ALDH3A2: variants seen among roughly 807,000 people sequenced by gnomAD.
The protein encoded by ALDH3A2 is aldehyde dehydrogenase 3 family member A2, also known as aldehyde dehydrogenase family 3 member A2.
A neutral mutation model predicts 51.3 loss-of-function variants in ALDH3A2; 36 were observed. The observed-to-expected ratio is 0.70, with a 90% CI of 0.54 to 0.93. The LOEUF (loss-of-function observed/expected upper bound fraction) is 0.93. ALDH3A2 is among the 40% of genes least tolerant of loss of function. The probability of loss-of-function intolerance (pLI) is 0.00; values close to 1 mark genes in which losing one functional copy is unlikely to be tolerated. For missense variants in ALDH3A2, 552 were observed against 603.1 expected, an observed-to-expected ratio of 0.92 and a Z score of 0.89; for synonymous variants, 199 against 219.8, an observed-to-expected ratio of 0.91 and a Z score of 0.84.
chr17:19,673,054 A>G, intron 9 of ALDH3A2: 1 of 1,535,308 alleles, frequency 6.5e-7, no homozygotes, highest in Non-Finnish European at 9.0e-7. Flanking sequence ...AACAACAACA[A>G]CAAAAATTTG....
chr17:19,660,631 C>G (rs2084954002), intron 5 of ALDH3A2, among the ~76,000 whole-genome samples: 1 of 152,038 alleles, frequency 6.6e-6, no homozygotes, highest in Admixed American at 6.6e-5. Flanking sequence ...CAAAGAAGAC[C>G]AAAACAACAA....
In ALDH3A2 at chr17:19,661,172, A is replaced by T; in HGVS notation, c.844A>T (p.Ile282Phe). 1.2e-6 allele frequency: 2 copies of T among 1,613,230 alleles called. No homozygotes were observed. The highest frequency in any genetic ancestry group is 1.1e-5 in the South Asian group (1 of 91,068). Residue 282 changes from isoleucine (I) to phenylalanine (F), a missense_variant, in exon 6 of 10, where the codon ATC (isoleucine) becomes TTC (phenylalanine). Physicochemically the swap from Ile to Phe is conservative, Grantham distance 21. Coordinates refer to ENST00000176643, the MANE Select transcript of ALDH3A2 (RefSeq NM_000382.3). ...NIKESPDYER[I>F]INLRHFKRIL... ...AAAAGAGTCTCCTGATTATGAAAGGATCATCAATCTTCGTCATTTTAAGAG... is the reference window on the plus strand; with the variant it reads ...AAAAGAGTCTCCTGATTATGAAAGGTTCATCAATCTTCGTCATTTTAAGAG...
chr17:19,658,326 A>G (rs1326316603), intron 5 of ALDH3A2, among the ~76,000 whole-genome samples: 2 of 152,198 alleles, frequency 1.3e-5, no homozygotes, highest in African/African-American at 2.4e-5. Flanking sequence ...ATAATTAACA[A>G]TCTTTCAGCG....
At chr17:19,673,043 C>A in intron 9 of ALDH3A2, 1 of 1,467,740 alleles carries the variant, frequency 6.8e-7, no homozygotes, top group Admixed American at 1.7e-5. Flanking sequence ...TCCATCTCAA[C>A]AACAACAACA....
intron 8 of ALDH3A2, among the ~76,000 whole-genome samples, chr17:19,667,574 T>C (rs2085056067): frequency 6.6e-6 from 1 of 152,190 alleles, no homozygotes; most frequent in Non-Finnish European, 1.5e-5. Flanking sequence ...TTTTTTCTTT[T>C]TATCGAGACT....
At chr17:19,672,519 G>A (rs908844188) in intron 9 of ALDH3A2, 4 of 174,748 alleles carry the variant, frequency 2.3e-5, no homozygotes, top group Non-Finnish European at 3.7e-5. Flanking sequence ...TCATTATAGG[G>A]ATGGGCTTGC....
intron 5 of ALDH3A2, chr17:19,659,714 A>G (rs1332611979): frequency 6.6e-6 from 1 of 151,822 alleles, no homozygotes; most frequent in African/African-American, 2.4e-5. Context: ...ACCGGCGTGT[A>G]CGTGTGGTCC....
At chr17:19,653,997 G>A (rs537436150) in intron 3 of ALDH3A2, among the ~76,000 whole-genome samples, 1 of 152,148 alleles carries the variant, frequency 6.6e-6, no homozygotes, top group Admixed American at 6.5e-5. Flanking sequence ...AGATTAGCTA[G>A]ACACAGAGCA....
intron 3 of ALDH3A2, among the ~76,000 whole-genome samples, chr17:19,655,871 G>T (rs1355378034): frequency 6.6e-6 from 1 of 152,230 alleles, no homozygotes; most frequent in Non-Finnish European, 1.5e-5. Context: ...GAGTGGCAGA[G>T]CCCAGATTCA....
chr17:19,648,745 G>C (rs900720784), upstream of ALDH3A2: 9 of 611,508 alleles, frequency 1.5e-5, no homozygotes, highest in Admixed American at 1.7e-4. Context: ...GCTTTGGGTC[G>C]AGCTCAGTCC....
chr17:19,672,459 T>G (rs1341308609), intron 9 of ALDH3A2: 1 of 174,936 alleles, frequency 5.7e-6, no homozygotes, highest in Non-Finnish European at 1.2e-5. Context: ...AGGCTTGAGT[T>G]TTTTTCCTCC....
Position 19,649,132 on chromosome 17 carries a change from C to T in ALDH3A2, c.153+8C>T. ...GCCGCCGACCTGTGCAAGGTACGCACGCGTGCGGCGGGGTGTGGGGAAACT... is the reference window on the plus strand; with the variant it reads ...GCCGCCGACCTGTGCAAGGTACGCATGCGTGCGGCGGGGTGTGGGGAAACT... On this transcript the variant is annotated splice_region_variant and intron_variant, in intron 1 of 9. Transcript: ENST00000176643. The T allele has an allele frequency of 6.4e-7, 1 of 1,557,580 alleles. No homozygotes were observed. Among genetic ancestry groups the T allele is most frequent in the African/African-American group, 1.4e-5 (1 of 73,650 alleles).
chr17:19,670,633 G>A (rs1236144079), intron 8 of ALDH3A2, among the ~76,000 whole-genome samples: 1 of 150,838 alleles, frequency 6.6e-6, no homozygotes, highest in Non-Finnish European at 1.5e-5. Context: ...CGCGATCTCA[G>A]CTCACTGCAA....
At chr17:19,665,373 C>G (rs2085022117) in intron 8 of ALDH3A2, among the ~76,000 whole-genome samples, 1 of 130,160 alleles carries the variant, frequency 7.7e-6, no homozygotes, top group Admixed American at 7.6e-5. Flanking sequence ...GAAGATCTCT[C>G]TTCGTGTGTG....
rs1218655401 is a variant in ALDH3A2, at chr17:19,676,535, C to G, written c.*963C>G. 1 of 152,080 alleles carries G rather than the reference C, an allele frequency of 6.6e-6. No individual in the cohort carries two copies. The highest frequency in any genetic ancestry group is 1.5e-5 in the Non-Finnish European group (1 of 68,036). 9.4% of individuals were successfully genotyped at this position (152,080 alleles called of 1,614,324 possible). ...AGATGTGGTGGCATGAGCCTGTGTTCCCAGCTGCTTAGGAGGCTGAAGCAG... is the reference window on the plus strand; with the variant it reads ...AGATGTGGTGGCATGAGCCTGTGTTGCCAGCTGCTTAGGAGGCTGAAGCAG... On this transcript the variant is annotated 3_prime_UTR_variant, in exon 10 of 10. Transcript: ENST00000176643.
chr17:19,671,420 G>C (rs551342172), intron 8 of ALDH3A2, among the ~76,000 whole-genome samples: 16 of 152,350 alleles, frequency 1.1e-4, no homozygotes, highest in African/African-American at 3.6e-4. Context: ...ATTGTGGTGA[G>C]AATTATCTTA....
rs2084858235 is a variant in ALDH3A2 at position 19,654,031 on chromosome 17, T to G, written c.471+1399T>G. 2.0e-5 allele frequency among the ~76,000 whole-genome samples: 3 copies of G among 152,046 alleles called. No individual in the cohort carries two copies. The highest frequency in any genetic ancestry group is 6.8e-3 in the Middle Eastern group (2 of 294). Reference sequence around the variant, plus strand: ...CACTGATTGGTGCATTTACAAACCTTGAGCTAGACATAGAGTGCTGACTGG... The same window carrying G: ...CACTGATTGGTGCATTTACAAACCTGGAGCTAGACATAGAGTGCTGACTGG... On this transcript the variant is annotated intron_variant, in intron 3 of 9. Coordinates refer to ENST00000176643, the MANE Select transcript of ALDH3A2 (RefSeq NM_000382.3). This position sits in a 1 kb window ranked among gnomAD's most constrained non-coding sequence, Gnocchi z 4.5.
At position 19,654,723 on chromosome 17, in the gene ALDH3A2, G is replaced by T. The variant is rs2084871394; in HGVS notation, c.472-1643G>T. Among the ~76,000 whole-genome samples, 1 of 152,024 alleles carries T rather than the reference G, an allele frequency of 6.6e-6. No homozygotes were observed. The highest frequency in any genetic ancestry group is 1.5e-5 in the Non-Finnish European group (1 of 68,002). ...CCTCCACACCTTCCCACAAGCAGAA[G>T]GAGCCGGCTCCAGCCTTGGCCAGCC... On this transcript the variant is annotated intron_variant, in intron 3 of 9. Coordinates refer to ENST00000176643, the MANE Select transcript of ALDH3A2 (RefSeq NM_000382.3). The surrounding 1 kb of genome is among the most constrained non-coding windows in gnomAD (Gnocchi z 4.5).
Position 19,677,371 on chromosome 17 carries a change from A to C in ALDH3A2, c.*1799A>C, listed in dbSNP as rs1166787182. The C allele has an allele frequency of 6.6e-6, 1 of 152,200 alleles. No homozygotes were observed. Among genetic ancestry groups the C allele is most frequent in the African/African-American group, 2.4e-5 (1 of 41,454 alleles). 9.4% of individuals were successfully genotyped at this position (152,200 alleles called of 1,614,324 possible). On this transcript the variant is annotated 3_prime_UTR_variant, in exon 10 of 10. Transcript: ENST00000176643. ...TTAAAACTGTGGCTCTAAGAGAGTA[A>C]TCATAAAATACCTTAGATAAAATTG...
Sources: gnomAD v4.1 joint callset for allele counts (sites outside exome capture counted in the v4.1 genomes callset) on GRCh38, gnomAD v4.1.1 for gene constraint, Gnocchi (gnomAD v3.1) non-coding constraint, MANE v1.5 for transcripts, NCBI Gene and HGNC (gene_info 2026-07-23, HGNC 2026-07-21) for gene names.